SUSD6: variants seen among roughly 807,000 people sequenced by gnomAD.
SUSD6 encodes the protein sushi domain containing 6, also known as sushi domain-containing protein 6.
Under a neutral mutation model 28.4 loss-of-function variants are expected in SUSD6, and 16 were observed. That is an observed-to-expected ratio of 0.56 (90% CI 0.38 to 0.86). The LOEUF is 0.86. SUSD6 is among the 40% of genes least tolerant of loss of function. The pLI, the probability that SUSD6 is intolerant of heterozygous loss-of-function variation, is 0.00. For synonymous variants in SUSD6, 147 were observed against 159.6 expected (o/e 0.92, Z 0.59); for missense variants, 341 against 384.2 (o/e 0.89, Z 0.94).
At chr14:69,675,862 C>G (rs1885900438) in intron 2 of SUSD6, among the ~76,000 whole-genome samples, 1 of 152,194 alleles carries the variant, frequency 6.6e-6, no homozygotes, top group Admixed American at 6.5e-5. Flanking sequence ...AAGCTGTTCT[C>G]CCACCTGAGT....
intron 1 of SUSD6, among the ~76,000 whole-genome samples, chr14:69,651,564 C>A (rs1296612588): frequency 6.6e-6 from 1 of 151,860 alleles, no homozygotes; most frequent in East Asian, 1.9e-4. Context: ...TGTCAGAGTC[C>A]GGTAAAATAT....
intron 2 of SUSD6, among the ~76,000 whole-genome samples, chr14:69,672,327 G>A (rs1282059625): frequency 2.0e-5 from 3 of 152,008 alleles, no homozygotes; most frequent in African/African-American, 7.2e-5. Flanking sequence ...TTTTTTTCAT[G>A]AATAATTGGT....
chr14:69,683,946 A>G (rs531310179), intron 2 of SUSD6, among the ~76,000 whole-genome samples: 5 of 152,324 alleles, frequency 3.3e-5, no homozygotes, highest in Non-Finnish European at 5.9e-5. Flanking sequence ...GTGTGGTCCC[A>G]TAGTGGTGCC....
chr14:69,711,196 C>T lies in SUSD6; in HGVS notation c.*217C>T. ...TGTTGGACAGCTGGAGGAGCTGGCT[C>T]TTTGCCTGGCCCCGCCTTCCCATCT... On this transcript the variant is annotated 3_prime_UTR_variant, in exon 6 of 6. Transcript: ENST00000342745. The T allele has an allele frequency of 3.4e-6, 2 of 584,860 alleles. No homozygotes were observed. Among genetic ancestry groups the T allele is most frequent in the East Asian group, 2.9e-5 (1 of 34,982 alleles). 36.2% of individuals were successfully genotyped at this position (584,860 alleles called of 1,614,324 possible). A position where few individuals can be genotyped will look rare whatever the true frequency, so the allele number is the denominator to read the frequency against.
At chr14:69,655,424 A>T (rs1885567204) in intron 1 of SUSD6, among the ~76,000 whole-genome samples, 1 of 152,200 alleles carries the variant, frequency 6.6e-6, no homozygotes, top group African/African-American at 2.4e-5. Context: ...GGCACATTCT[A>T]GAACTGATAA....
At chr14:69,649,820 G>A in intron 1 of SUSD6, among the ~76,000 whole-genome samples, 1 of 152,290 alleles carries the variant, frequency 6.6e-6, no homozygotes, top group Non-Finnish European at 1.5e-5. Flanking sequence ...ACTAAGATGG[G>A]AACTAAGCTT....
At chr14:69,630,485 A>G (rs564263383) in intron 1 of SUSD6, among the ~76,000 whole-genome samples, 1 of 152,354 alleles carries the variant, frequency 6.6e-6, no homozygotes, top group Admixed American at 6.5e-5. Flanking sequence ...GAGTAATACA[A>G]TTGAAACAGA....
intron 2 of SUSD6, among the ~76,000 whole-genome samples, chr14:69,672,854 C>T (rs544684128): frequency 5.3e-5 from 8 of 152,328 alleles, no homozygotes; most frequent in South Asian, 2.1e-4. Flanking sequence ...GTGTCCCTTC[C>T]GAAGGCTGGT....
chr14:69,638,747 C>T (rs1885302682), intron 1 of SUSD6, among the ~76,000 whole-genome samples: 2 of 152,144 alleles, frequency 1.3e-5, no homozygotes, highest in African/African-American at 4.8e-5. Flanking sequence ...CTGTGTCCTT[C>T]CTATTCCACC....
rs1208480164 is a variant in SUSD6, at chr14:69,704,548, C to T, written c.320-56C>T. 10 of 1,551,908 alleles carry T rather than the reference C, an allele frequency of 6.4e-6. No homozygotes were observed. The East Asian group carries it at 2.0e-4, about 31-fold the overall frequency. On this transcript the variant is annotated intron_variant, in intron 3 of 5. Coordinates refer to ENST00000342745, the MANE Select transcript of SUSD6 (RefSeq NM_014734.4). ...TGACAAGATCAGCTGTGGGGCCCAT[C>T]AGCTGTTTTGTGTATTTGGGTACAA...
intron 2 of SUSD6, among the ~76,000 whole-genome samples, chr14:69,696,099 A>G (rs1374488020): frequency 3.3e-5 from 5 of 152,256 alleles, no homozygotes; most frequent in African/African-American, 4.8e-5. Context: ...AATGAGCCAC[A>G]AAACAGAACC....
chr14:69,700,312 G>C (rs566194170), intron 2 of SUSD6, among the ~76,000 whole-genome samples: 4 of 152,160 alleles, frequency 2.6e-5, no homozygotes, highest in African/African-American at 4.8e-5. Context: ...TCAATACTAG[G>C]ATTGCTATAA....
intron 1 of SUSD6, among the ~76,000 whole-genome samples, chr14:69,629,136 G>C (rs898360306): frequency 6.6e-5 from 10 of 152,036 alleles, no homozygotes; most frequent in Admixed American, 6.5e-4. Context: ...GAGTTGCAGT[G>C]GAGGGGCACT....
At chr14:69,650,212 G>C (rs1885482923) in intron 1 of SUSD6, among the ~76,000 whole-genome samples, 1 of 152,140 alleles carries the variant, frequency 6.6e-6, no homozygotes, top group South Asian at 2.1e-4. Context: ...TGCCCTTTGG[G>C]GAGTCTAGTG....
chr14:69,715,022 T>C lies in SUSD6; in HGVS notation c.*4043T>C, dbSNP rs1281307387. 6.6e-6 allele frequency: 1 copy of C among 152,226 alleles called. No homozygotes were observed. The highest frequency in any genetic ancestry group is 2.4e-5 in the African/African-American group (1 of 41,452). The allele number at this position is 152,226 out of a possible 1,614,324, so 9.4% of individuals were successfully genotyped here. ...TTTATATATATATTTTTTGGTATCC[T>C]GTACATTGCAGTGGGTGTGAAGATA... On this transcript the variant is annotated 3_prime_UTR_variant, in exon 6 of 6. Coordinates refer to ENST00000342745, the MANE Select transcript of SUSD6 (RefSeq NM_014734.4).
At chr14:69,679,411 T>C (rs1237175543) in intron 2 of SUSD6, among the ~76,000 whole-genome samples, 1 of 152,194 alleles carries the variant, frequency 6.6e-6, no homozygotes, top group South Asian at 2.1e-4. Context: ...AATTTTTAGT[T>C]CTATTTTCAA....
At chr14:69,671,212 A>C (rs1444118165) in intron 2 of SUSD6, among the ~76,000 whole-genome samples, 1 of 152,200 alleles carries the variant, frequency 6.6e-6, no homozygotes, top group African/African-American at 2.4e-5. Context: ...GAAAAAACAA[A>C]CTCTAGCTAA....
chr14:69,655,306 T>C lies in SUSD6; in HGVS notation c.-80-3207T>C, dbSNP rs543927468. On this transcript the variant is annotated intron_variant, in intron 1 of 5. Transcript: ENST00000342745. ...ATTATATTGGGTGTACTATAACTTA[T>C]TTAAGTATACTCCCCTTTCATGAAC... is the stretch of plus-strand genomic sequence containing the variant. Among the ~76,000 whole-genome samples, 9 of 152,330 alleles carry C rather than the reference T, an allele frequency of 5.9e-5. 1 individual carries two copies. The highest frequency in any genetic ancestry group is 5.9e-4 in the Admixed American group (9 of 15,304).
At chr14:69,681,830 A>G (rs1886001058) in intron 2 of SUSD6, among the ~76,000 whole-genome samples, 1 of 152,172 alleles carries the variant, frequency 6.6e-6, no homozygotes, top group Non-Finnish European at 1.5e-5. Context: ...TGAATTCTCA[A>G]GTTCATGAAA....
Sources: gnomAD v4.1 joint callset for allele counts (sites outside exome capture counted in the v4.1 genomes callset) on GRCh38, gnomAD v4.1.1 for gene constraint, MANE v1.5 for transcripts, NCBI Gene and HGNC (gene_info 2026-07-23, HGNC 2026-07-21) for gene names.